The following DYSF variants were observed in gnomAD, a reference collection of about 807,000 sequenced individuals.
DYSF encodes dystrophy-associated fer-1-like 1.
In DYSF, 212 loss-of-function variants were observed where a neutral mutation model predicts 274.9. That is an observed-to-expected ratio of 0.77 (90% confidence interval 0.69 to 0.86). The LOEUF (loss-of-function observed/expected upper bound fraction) is 0.86. Ranked by LOEUF, DYSF falls within the 40% of genes least tolerant of loss-of-function variation. The probability of loss-of-function intolerance (pLI) is 0.00; values close to 1 mark genes in which losing one functional copy is unlikely to be tolerated. For synonymous variants in DYSF, 1,091 were observed against 1,078.7 expected (o/e 1.01, Z -0.22); for missense variants, 2,666 against 2,783.2 (o/e 0.96, Z 0.95).
upstream of DYSF, among the ~76,000 whole-genome samples, chr2:71,463,343 G>A (rs149166035): frequency 4.5e-3 from 686 of 152,342 alleles, 4 homozygotes; most frequent in African/African-American, 0.014. Flanking sequence ...GAGATGGGGC[G>A]AAGGCACTTC....
At chr2:71,680,515 T>A (rs2095282730) in intron 53 of DYSF, among the ~76,000 whole-genome samples, 2 of 152,222 alleles carry the variant, frequency 1.3e-5, no homozygotes, top group African/African-American at 4.8e-5. Context: ...TTCTGGGATA[T>A]TTGTTGCAGC....
intron 38 of DYSF, among the ~76,000 whole-genome samples, 178 bp from the exon 39 acceptor site, chr2:71,612,463 G>A (rs949526160): frequency 2.0e-5 from 3 of 152,216 alleles, no homozygotes; most frequent in African/African-American, 7.2e-5. Context: ...AGCATTCAAG[G>A]GGCCGACAGA....
chr2:71,589,575 C>G lies in DYSF; in HGVS notation c.3403-18C>G. On this transcript the variant is annotated intron_variant, in intron 30 of 55. Transcript: ENST00000410020. ...GGCCTGGGGGCAGAATCTGCCATAA[C>G]CAGCTTCGTGTCTCCAGGGCGGCGT... The G allele has an allele frequency of 6.2e-7, 1 of 1,612,048 alleles. No homozygotes were observed.
intron 3 of DYSF, among the ~76,000 whole-genome samples, chr2:71,500,013 C>T (rs2084814949): frequency 6.6e-6 from 1 of 152,172 alleles, no homozygotes; most frequent in African/African-American, 2.4e-5. Flanking sequence ...TTGGTGCCGA[C>T]TGAGAGTGCA....
In DYSF at chr2:71,612,635, A is replaced by T. The variant is rs745775405; in HGVS notation, c.4222-6A>T. 17 of 1,613,748 alleles carry T rather than the reference A, an allele frequency of 1.1e-5. No homozygotes were observed. Among genetic ancestry groups the T allele is most frequent in the Non-Finnish European group, 1.4e-5 (16 of 1,179,780 alleles). On this transcript the variant is annotated splice_region_variant and splice_polypyrimidine_tract_variant and intron_variant, in intron 38 of 55. Transcript: ENST00000410020. The stretch of plus-strand genomic sequence containing the variant: ...CAGGCCAGTGCGTTCTTCCTCCTCC[A>T]CCCAGATGCTGCCCAGGGAGGAGCT...
intron 3 of DYSF, among the ~76,000 whole-genome samples, chr2:71,499,903 C>G (rs577625050): frequency 6.6e-6 from 1 of 152,170 alleles, no homozygotes; most frequent in African/African-American, 2.4e-5. Flanking sequence ...GTAGGCTCTG[C>G]TCTGCACACA....
Position 71,553,668 on chromosome 2 carries a change from GTC to G in DYSF, c.1985-135_1985-134del, listed in dbSNP as rs1405797516. 3 of 1,092,292 alleles carry G rather than the reference GTC, an allele frequency of 2.7e-6. No individual in the cohort carries two copies. In the African/African-American group the frequency reaches 4.7e-5, roughly 17 times the overall value. The allele number at this position is 1,092,292 out of a possible 1,614,324, so 67.7% of individuals were successfully genotyped here. On this transcript the variant is annotated intron_variant, in intron 20 of 55. Transcript: ENST00000410020. ...AGATGGGAAGGGTGAGCAGGTGCCT[GTC>G]TCTGTCCCACGTGTGGTCCCTTTCC...
rs937898247 is a variant in DYSF, at chr2:71,538,021, C to T, written c.1494-1136C>T. Among the ~76,000 whole-genome samples the T allele has an allele frequency of 7.9e-5, 12 of 152,324 alleles. No homozygotes were observed. In the East Asian group the frequency reaches 1.4e-3, roughly 17 times the overall value. On this transcript the variant is annotated intron_variant, in intron 16 of 55. Coordinates refer to ENST00000410020, the MANE Select transcript of DYSF (RefSeq NM_001130987.2). ...GTTTTGACCGCAGGTCTAGCCTACC[C>T]GGGAAGCAGCAGGTGGCTGCAATCA...
At chr2:71,572,717 T>TG (rs1348899665) in intron 29 of DYSF, among the ~76,000 whole-genome samples, 2 of 152,176 alleles carry the variant, frequency 1.3e-5, no homozygotes, top group Non-Finnish European at 2.9e-5. Flanking sequence ...TGGGGTGAGC[T>TG]GGGGCACATA....
intron 33 of DYSF, among the ~76,000 whole-genome samples, chr2:71,599,217 A>AC (rs2093483980): frequency 6.6e-6 from 1 of 152,120 alleles, no homozygotes; most frequent in Non-Finnish European, 1.5e-5. Flanking sequence ...ACTCTGTGCC[A>AC]CAGGCAGGGC....
intron 13 of DYSF, among the ~76,000 whole-genome samples, chr2:71,526,941 C>T (rs576523480): frequency 2.0e-5 from 3 of 152,364 alleles, no homozygotes; most frequent in African/African-American, 7.2e-5. Flanking sequence ...ACCATCTCTT[C>T]CTCCCAGGAA....
At chr2:71,568,538 A>C (rs949661608) in intron 26 of DYSF, among the ~76,000 whole-genome samples, 200 bp downstream of exon 26, 2 of 151,906 alleles carry the variant, frequency 1.3e-5, no homozygotes, top group Non-Finnish European at 2.9e-5. Flanking sequence ...ATGGTCAGAC[A>C]GTCCTTTATT....
chr2:71,514,003 C>A, intron 7 of DYSF, 82 bp downstream of exon 7: 1 of 1,523,942 alleles, frequency 6.6e-7, no homozygotes, highest in Admixed American at 1.7e-5. Context: ...GTTTGTCCAG[C>A]TTCAGGGGAA....
intron 36 of DYSF, among the ~76,000 whole-genome samples, chr2:71,607,387 A>G (rs1030249827): frequency 1.4e-4 from 22 of 152,292 alleles, no homozygotes; most frequent in Admixed American, 6.5e-4. Flanking sequence ...ATCTCATGAG[A>G]GACATGCCCA....
chr2:71,631,827 G>C (rs1283644911), intron 41 of DYSF, among the ~76,000 whole-genome samples: 1 of 151,906 alleles, frequency 6.6e-6, no homozygotes, highest in East Asian at 1.9e-4. Context: ...CTCCTCGGGA[G>C]TGCACCCCTC....
Position 71,561,823 on chromosome 2 carries a change from C to T in DYSF, c.2288C>T (p.Thr763Ile). ...GACCAGTACCTGTACCAGCTGCGCA[C>T]CCATCACCTGAGCCAAATCACTGAG... is the stretch of plus-strand genomic sequence containing the variant. The part of the protein sequence containing the change: ...HLDQYLYQLR[T>I]HHLSQITEAA... The change falls in exon 23 of 56, where the codon ACC becomes ATC. Residue 763 changes from threonine (T) to isoleucine (I), a missense_variant. Coordinates refer to ENST00000410020, the MANE Select transcript of DYSF (RefSeq NM_001130987.2). 6.2e-7 allele frequency: 1 copy of T among 1,614,170 alleles called. No homozygotes were observed. The highest frequency in any genetic ancestry group is 8.5e-7 in the Non-Finnish European group (1 of 1,180,018).
chr2:71,602,553 A>C, intron 35 of DYSF: 1 of 528,694 alleles, frequency 1.9e-6, no homozygotes, highest in South Asian at 2.0e-5. Context: ...ACTGACATCC[A>C]TCACACCTTC....
chr2:71,575,632 T>G (rs1377381855), intron 30 of DYSF, among the ~76,000 whole-genome samples: 1 of 151,918 alleles, frequency 6.6e-6, no homozygotes, highest in African/African-American at 2.4e-5. Context: ...CTGGTGATGA[T>G]CCTGCGGCTC....
intron 33 of DYSF, among the ~76,000 whole-genome samples, chr2:71,600,300 G>T (rs1241704449): frequency 6.6e-6 from 1 of 152,250 alleles, no homozygotes; most frequent in Non-Finnish European, 1.5e-5. Context: ...GAATTTAAGG[G>T]TGAAATGAGC....
Sources: gnomAD v4.1 joint callset for allele counts (sites outside exome capture counted in the v4.1 genomes callset) on GRCh38, gnomAD v4.1.1 for gene constraint, MANE v1.5 for transcripts, NCBI Gene and HGNC (gene_info 2026-07-23, HGNC 2026-07-21) for gene names.